RAI14: variants seen among roughly 807,000 people sequenced by gnomAD.
RAI14 encodes the protein ankycorbin.
Under a neutral mutation model 115.4 loss-of-function variants are expected in RAI14, and 45 were observed. The observed-to-expected ratio is 0.39, with a 90% CI of 0.31 to 0.50. The LOEUF (loss-of-function observed/expected upper bound fraction) is 0.50. Ranked by LOEUF, RAI14 falls within the 20% of genes least tolerant of loss-of-function variation. The pLI is 0.85. For missense variants in RAI14, 939 were observed against 1,131.2 expected, an observed-to-expected ratio of 0.83 and a Z score of 2.44; for synonymous variants, 371 against 415.4, an observed-to-expected ratio of 0.89 and a Z score of 1.30.
intron 3 of RAI14, among the ~76,000 whole-genome samples, chr5:34,784,266 T>G (rs1445729833): frequency 6.6e-6 from 1 of 152,192 alleles, no homozygotes; most frequent in Admixed American, 6.5e-5. Flanking sequence ...CTGGAAAACT[T>G]TATCTTTTGA....
intron 3 of RAI14, among the ~76,000 whole-genome samples, chr5:34,774,513 C>G (rs1008272914): frequency 6.6e-6 from 1 of 152,034 alleles, no homozygotes; most frequent in African/African-American, 2.4e-5. Flanking sequence ...TCTATTTACA[C>G]TAGCCACAAA....
At chr5:34,719,581 C>T (rs1477870154) in intron 2 of RAI14, among the ~76,000 whole-genome samples, 1 of 152,204 alleles carries the variant, frequency 6.6e-6, no homozygotes, top group Non-Finnish European at 1.5e-5. Context: ...TGTCCTTGCA[C>T]TGCTCTTCCC....
In RAI14 at chr5:34,722,795, A is replaced by G. The variant is rs1166051736; in HGVS notation, c.37-34673A>G. ...AGGGAGGTGGAGGTTGCAGTGAGCCAAGATTGCGCCACTTTGGGAATCCCA... is the reference window on the plus strand; with the variant it reads ...AGGGAGGTGGAGGTTGCAGTGAGCCGAGATTGCGCCACTTTGGGAATCCCA... On this transcript the variant is annotated intron_variant, in intron 2 of 17. Transcript: ENST00000265109. 4.0e-5 allele frequency among the ~76,000 whole-genome samples: 6 copies of G among 150,710 alleles called. No individual in the cohort carries two copies. In the East Asian group the frequency reaches 9.7e-4, roughly 24 times the overall value.
chr5:34,820,598 C>G (rs1433218232), intron 13 of RAI14, among the ~76,000 whole-genome samples: 1 of 152,152 alleles, frequency 6.6e-6, no homozygotes, highest in African/African-American at 2.4e-5. Context: ...GGTGACAGAG[C>G]AAGACTCCAT....
rs571193049 is a variant in RAI14 at position 34,741,303 on chromosome 5, G to A, written c.37-16165G>A. Among the ~76,000 whole-genome samples the A allele has an allele frequency of 4.8e-4, 73 of 152,330 alleles. 1 individual carries two copies. The highest frequency in any genetic ancestry group is 8.1e-4 in the Non-Finnish European group (55 of 68,038). The stretch of plus-strand genomic sequence containing the variant: ...TACAATGGAGAAAACAGAGGCATGC[G>A]AGGTTAAGTAACTTCTCCAGGGTCA... On this transcript the variant is annotated intron_variant, in intron 2 of 17. Transcript: ENST00000265109.
intron 2 of RAI14, among the ~76,000 whole-genome samples, chr5:34,742,165 C>T (rs187985272): frequency 6.6e-6 from 1 of 152,212 alleles, no homozygotes; most frequent in East Asian, 1.9e-4. Context: ...TGGGTGGCCT[C>T]GTCGCTAACC....
chr5:34,801,443 G>A lies in RAI14; in HGVS notation c.257-2269G>A, dbSNP rs545407789. 5.3e-5 allele frequency among the ~76,000 whole-genome samples: 8 copies of A among 152,200 alleles called. No individual in the cohort carries two copies. In the South Asian group the frequency reaches 1.7e-3, roughly 32 times the overall value. ...TGGTCAGTGTTACAGACTGAAGACT[G>A]ATTTAGAAAGAAAAATGGGGCCGGG... On this transcript the variant is annotated intron_variant, in intron 4 of 17. Transcript: ENST00000265109.
chr5:34,772,660 C>A (rs768643320), intron 3 of RAI14, among the ~76,000 whole-genome samples: 12 of 152,146 alleles, frequency 7.9e-5, no homozygotes, highest in Non-Finnish European at 1.3e-4. Context: ...GCTGACCAGC[C>A]TTGTCACCTG....
chr5:34,794,470 G>T (rs1753274547), intron 3 of RAI14, among the ~76,000 whole-genome samples: 1 of 152,134 alleles, frequency 6.6e-6, no homozygotes, highest in East Asian at 1.9e-4. Context: ...CCAAATCATT[G>T]TATGCAAAGT....
intron 1 of RAI14, among the ~76,000 whole-genome samples, chr5:34,670,680 C>G (rs138882695): frequency 2.6e-5 from 4 of 152,290 alleles, no homozygotes; most frequent in African/African-American, 9.6e-5. Context: ...ATCTTCTGTT[C>G]AATTTGCAAC....
At chr5:34,705,089 T>C (rs115315969) in intron 2 of RAI14, among the ~76,000 whole-genome samples, 4,963 of 152,270 alleles carry the variant, frequency 0.033, 112 homozygotes, top group South Asian at 0.07. Flanking sequence ...CCACCATGCC[T>C]GGCTAATTTT....
intron 1 of RAI14, among the ~76,000 whole-genome samples, chr5:34,675,725 T>C (rs1049843756): frequency 1.3e-5 from 2 of 151,338 alleles, no homozygotes; most frequent in Non-Finnish European, 2.9e-5. Flanking sequence ...CACTCCAGCC[T>C]GGGCAACAGA....
At chr5:34,729,276 G>T (rs148878208) in intron 2 of RAI14, among the ~76,000 whole-genome samples, 7,593 of 152,110 alleles carry the variant, frequency 0.05, 611 homozygotes, top group African/African-American at 0.17. Flanking sequence ...TTGAGCCCGG[G>T]AAGTTGAGGC....
At chr5:34,822,280 T>TATAAAA (rs1756939569) in intron 14 of RAI14, among the ~76,000 whole-genome samples, 1 of 97,384 alleles carries the variant, frequency 1.0e-5, no homozygotes, top group African/African-American at 4.2e-5. Flanking sequence ...ATATAAAATA[T>TATAAAA]TATCCATTTA....
At chr5:34,722,382 C>T (rs935968744) in intron 2 of RAI14, among the ~76,000 whole-genome samples, 1 of 151,566 alleles carries the variant, frequency 6.6e-6, no homozygotes, top group Non-Finnish European at 1.5e-5. Flanking sequence ...CAAGCCAAGG[C>T]AAGAGGTCCC....
chr5:34,829,783 C>T lies in RAI14; in HGVS notation c.2851C>T (p.Leu951=). 6.2e-7 allele frequency: 1 copy of T among 1,611,434 alleles called. No homozygotes were observed. The highest frequency in any genetic ancestry group is 8.5e-7 in the Non-Finnish European group (1 of 1,178,330). ...EVISVYRMHL[L]YAVQGQMDED... Reference sequence around the variant, plus strand: ...CATATCAGTTTACAGAATGCATCTTCTGTATGCTGTGCAGGTATGGTTATG... The same window carrying T: ...CATATCAGTTTACAGAATGCATCTTTTGTATGCTGTGCAGGTATGGTTATG... Residue 951 remains leucine (L), a synonymous_variant, in exon 17 of 18, where the codon CTG becomes TTG. Transcript: ENST00000265109.
intron 2 of RAI14, among the ~76,000 whole-genome samples, chr5:34,707,384 T>A (rs751432881): frequency 1.3e-5 from 2 of 152,200 alleles, no homozygotes; most frequent in Non-Finnish European, 2.9e-5. Context: ...GGAGAATCTC[T>A]TGAACCTGGG....
intron 2 of RAI14, among the ~76,000 whole-genome samples, chr5:34,750,824 A>C (rs1580127297): frequency 7.4e-6 from 1 of 135,796 alleles, no homozygotes; most frequent in East Asian, 2.1e-4. Flanking sequence ...TTTTATACTG[A>C]CCTTATCCTT....
At chr5:34,704,134 C>A (rs929636208) in intron 2 of RAI14, among the ~76,000 whole-genome samples, 3 of 152,210 alleles carry the variant, frequency 2.0e-5, no homozygotes, top group Non-Finnish European at 2.9e-5. Context: ...GAGGTCTAAT[C>A]CGGCTCAGTC....
Sources: gnomAD v4.1 joint callset for allele counts (sites outside exome capture counted in the v4.1 genomes callset) on GRCh38, gnomAD v4.1.1 for gene constraint, MANE v1.5 for transcripts, NCBI Gene and HGNC (gene_info 2026-07-23, HGNC 2026-07-21) for gene names.